LCORL: variants seen among roughly 807,000 people sequenced by gnomAD.
LCORL encodes ligand-dependent nuclear receptor corepressor-like protein.
In LCORL, 41 loss-of-function variants were observed where a neutral mutation model predicts 141.8. The observed-to-expected ratio is 0.29, with a 90% CI of 0.23 to 0.38. LCORL has a LOEUF of 0.38. LCORL is among the 10% of genes least tolerant of loss of function. The probability of loss-of-function intolerance (pLI) is 1.00; values close to 1 mark genes in which losing one functional copy is unlikely to be tolerated. For synonymous variants in LCORL, 618 were observed against 694.1 expected (o/e 0.89, Z 1.72); for missense variants, 1,759 against 2,035.0 (o/e 0.86, Z 2.61).
At chr4:17,952,805 G>A (rs1282545922) in intron 4 of LCORL, among the ~76,000 whole-genome samples, 4 of 152,094 alleles carry the variant, frequency 2.6e-5, no homozygotes, top group Non-Finnish European at 2.9e-5. Context: ...GGGGTTTGGT[G>A]CACAGACCAT....
chr4:17,947,639 A>G (rs545991685), intron 4 of LCORL, among the ~76,000 whole-genome samples: 1 of 152,134 alleles, frequency 6.6e-6, no homozygotes, highest in East Asian at 1.9e-4. Context: ...AGTTGTGTCC[A>G]TAGATCACTT....
intron 7 of LCORL, among the ~76,000 whole-genome samples, chr4:17,852,212 T>C (rs1051011934): frequency 1.3e-5 from 2 of 152,194 alleles, no homozygotes; most frequent in Admixed American, 6.5e-5. Flanking sequence ...TCTGAGAAAG[T>C]GACTTTATAT....
chr4:17,977,182 A>G (rs558018336), intron 1 of LCORL, among the ~76,000 whole-genome samples: 14 of 152,256 alleles, frequency 9.2e-5, no homozygotes, highest in African/African-American at 2.4e-4. Flanking sequence ...ATATTCCATT[A>G]TATTAGATAT....
At chr4:18,020,056 T>C (rs1463831151) in intron 1 of LCORL, among the ~76,000 whole-genome samples, 1 of 152,258 alleles carries the variant, frequency 6.6e-6, no homozygotes, top group Non-Finnish European at 1.5e-5. Context: ...ACATTTTTCG[T>C]AAGGGCAAAA....
At chr4:17,925,878 C>CAAAAAAA (rs71167343) in intron 4 of LCORL, among the ~76,000 whole-genome samples, 2 of 96,606 alleles carry the variant, frequency 2.1e-5, no homozygotes, top group East Asian at 4.2e-4. Flanking sequence ...GATTCCATCT[C>CAAAAAAA]AAAAAAAAAA....
chr4:17,868,298 G>A (rs763588741), intron 7 of LCORL, among the ~76,000 whole-genome samples: 9 of 152,026 alleles, frequency 5.9e-5, no homozygotes, highest in Non-Finnish European at 1.3e-4. Flanking sequence ...TGGCAAAATA[G>A]AAGAAGCTGA....
intron 4 of LCORL, among the ~76,000 whole-genome samples, chr4:17,945,583 T>A (rs1157069733): frequency 6.6e-6 from 1 of 152,036 alleles, no homozygotes; most frequent in Admixed American, 6.6e-5. Context: ...CTACAAGCAT[T>A]ACAAATTTTA....
At chr4:17,918,644 G>A (rs1202422942) in intron 4 of LCORL, among the ~76,000 whole-genome samples, 1 of 152,172 alleles carries the variant, frequency 6.6e-6, no homozygotes, top group Non-Finnish European at 1.5e-5. Flanking sequence ...TAGGCAGGTT[G>A]AGATCATTCA....
At chr4:17,913,210 G>A (rs555740900) in intron 4 of LCORL, among the ~76,000 whole-genome samples, 9 of 152,290 alleles carry the variant, frequency 5.9e-5, no homozygotes, top group East Asian at 1.9e-4. Flanking sequence ...ACATCTTGAC[G>A]GACGTTAGCT....
chr4:17,885,346 A>G (rs1728123654), intron 6 of LCORL, among the ~76,000 whole-genome samples: 1 of 151,988 alleles, frequency 6.6e-6, no homozygotes, highest in Non-Finnish European at 1.5e-5. Flanking sequence ...TCAAATTATC[A>G]TTGTAATTTT....
intron 4 of LCORL, among the ~76,000 whole-genome samples, chr4:17,949,220 T>C (rs552925170): frequency 1.2e-4 from 19 of 152,174 alleles, no homozygotes; most frequent in South Asian, 1.2e-3. Context: ...TTTGACTACG[T>C]GTACAATTGA....
At chr4:17,959,571 G>A (rs1344364978) in intron 4 of LCORL, among the ~76,000 whole-genome samples, 2 of 151,962 alleles carry the variant, frequency 1.3e-5, no homozygotes, top group African/African-American at 4.8e-5. Flanking sequence ...CATTATCCCA[G>A]GTAGTGATAT....
intron 1 of LCORL, among the ~76,000 whole-genome samples, chr4:17,995,801 T>A (rs1326582205): frequency 6.6e-6 from 1 of 152,132 alleles, no homozygotes; most frequent in East Asian, 1.9e-4. Context: ...TGTTTTGCCC[T>A]CTCATGAAAT....
intron 2 of LCORL, among the ~76,000 whole-genome samples, chr4:17,964,862 T>G (rs1714556716): frequency 7.2e-6 from 1 of 138,074 alleles, no homozygotes; most frequent in South Asian, 2.3e-4. Flanking sequence ...GAAATCTTAC[T>G]GCCCTTTTTT....
intron 4 of LCORL, among the ~76,000 whole-genome samples, chr4:17,913,283 C>T (rs1304641287): frequency 2.0e-5 from 3 of 152,144 alleles, no homozygotes; most frequent in Non-Finnish European, 4.4e-5. Context: ...AAGACCATTG[C>T]GACCAGATCA....
At chr4:17,968,931 C>G (rs1715430081) in intron 2 of LCORL, among the ~76,000 whole-genome samples, 1 of 152,104 alleles carries the variant, frequency 6.6e-6, no homozygotes, top group Non-Finnish European at 1.5e-5. Context: ...GATATGTTGC[C>G]ACACCTAGAG....
intron 6 of LCORL, chr4:17,880,589 G>C: frequency 2.1e-6 from 2 of 967,600 alleles, no homozygotes; most frequent in East Asian, 1.1e-4. Flanking sequence ...AAACAAGTCA[G>C]TGTAGTCAGT....
chr4:18,007,219 T>A (rs1722966578), intron 1 of LCORL, among the ~76,000 whole-genome samples: 1 of 152,204 alleles, frequency 6.6e-6, no homozygotes, highest in Non-Finnish European at 1.5e-5. Context: ...GTGAGTTAAT[T>A]GCCTTATCTA....
intron 4 of LCORL, 24 bp downstream of exon 4, chr4:17,961,879 A>C (rs777382196): frequency 6.3e-7 from 1 of 1,582,346 alleles, no homozygotes; most frequent in Admixed American, 1.9e-5. Context: ...GCAAATTTTA[A>C]ATGACAAAGC....
Sources: allele counts gnomAD v4.1 joint callset (sites outside exome capture counted in the v4.1 genomes callset), GRCh38; gene constraint gnomAD v4.1.1; transcripts MANE v1.5; gene names NCBI Gene and HGNC (gene_info 2026-07-23, HGNC 2026-07-21).